The following FBXL3 variants were observed in gnomAD, a reference collection of about 807,000 sequenced individuals.
FBXL3 encodes F-box/LRR-repeat protein 3.
FBXL3 carries 14 observed loss-of-function variants against 37.9 expected under a neutral mutation model. That is an observed-to-expected ratio of 0.37 (90% CI 0.24 to 0.58). The LOEUF (loss-of-function observed/expected upper bound fraction) is 0.58, where lower values mean the gene tolerates loss of function less well. Ranked by LOEUF, FBXL3 falls within the 20% of genes least tolerant of loss-of-function variation. The pLI is 0.74. For synonymous variants in FBXL3, 194 were observed against 180.1 expected, an observed-to-expected ratio of 1.08 and a Z score of -0.62; for missense variants, 327 against 511.1, an observed-to-expected ratio of 0.64 and a Z score of 3.47.
rs1027434332 is a variant in FBXL3 at position 77,005,562 on chromosome 13, T to C, written c.*1583A>G. On this transcript the variant is annotated 3_prime_UTR_variant, in exon 5 of 5. Coordinates refer to ENST00000355619, the MANE Select transcript of FBXL3 (RefSeq NM_012158.4). The stretch of plus-strand genomic sequence containing the variant: ...GAAGGAGGGGATATATTACTATAAT[T>C]GCTGTTAATTTTCGAATCTAGATAA... The C allele has an allele frequency of 2.0e-5, 3 of 152,456 alleles. No homozygotes were observed. The highest frequency in any genetic ancestry group is 7.2e-5 in the African/African-American group (3 of 41,432). 9.4% of individuals were successfully genotyped at this position (152,456 alleles called of 1,614,324 possible).
chr13:77,015,764 C>T, intron 3 of FBXL3, 184 bp from the exon 4 acceptor site: 1 of 374,792 alleles, frequency 2.7e-6, no homozygotes, highest in Non-Finnish European at 4.7e-6. Flanking sequence ...TATCTGTCAT[C>T]TTTGAGAAGA....
Position 77,027,156 on chromosome 13 carries a change from G to A in FBXL3, c.-331C>T, listed in dbSNP as rs1819688654. 1 of 145,550 alleles carries A rather than the reference G, an allele frequency of 6.9e-6. No homozygotes were observed. 9.0% of individuals were successfully genotyped at this position (145,550 alleles called of 1,614,324 possible). On this transcript the variant is annotated 5_prime_UTR_variant, in exon 1 of 5. Coordinates refer to ENST00000355619, the MANE Select transcript of FBXL3 (RefSeq NM_012158.4). Reference sequence around the variant, plus strand: ...CCTGCACCTGGGCCACAAACAGCGAGTCTAAAATGGCGCCCAGGGCTCGCG... The same window carrying A: ...CCTGCACCTGGGCCACAAACAGCGAATCTAAAATGGCGCCCAGGGCTCGCG...
intron 2 of FBXL3, among the ~76,000 whole-genome samples, chr13:77,021,188 A>G (rs1383889551): frequency 1.3e-5 from 2 of 152,290 alleles, no homozygotes; most frequent in Admixed American, 1.3e-4. Context: ...CTCAATTATA[A>G]TCTCCCAATT....
At chr13:77,015,092 A>G (rs1416266635) in intron 4 of FBXL3, 3 of 170,852 alleles carry the variant, frequency 1.8e-5, no homozygotes, top group Non-Finnish European at 3.7e-5. Context: ...CTCAACTACA[A>G]TGAGAAAAAA....
intron 3 of FBXL3, chr13:77,017,182 C>A (rs976728165): frequency 6.6e-6 from 1 of 152,134 alleles, no homozygotes; most frequent in African/African-American, 2.4e-5. Context: ...TATTAAGTAT[C>A]CTAGCCTCAC....
chr13:77,021,158 G>A (rs2034735830), intron 2 of FBXL3, among the ~76,000 whole-genome samples: 1 of 152,162 alleles, frequency 6.6e-6, no homozygotes, highest in Admixed American at 6.5e-5. Context: ...CTGTTAGATA[G>A]AAATAGCAAT....
chr13:77,011,065 T>A (rs2034542254), intron 4 of FBXL3: 1 of 152,210 alleles, frequency 6.6e-6, no homozygotes, highest in Non-Finnish European at 1.5e-5. Flanking sequence ...AGGGGCTGGG[T>A]GCAGTGGCTT....
At chr13:77,019,454 T>C (rs371928929) in intron 2 of FBXL3, among the ~76,000 whole-genome samples, 2 of 152,214 alleles carry the variant, frequency 1.3e-5, no homozygotes, top group African/African-American at 4.8e-5. Context: ...TCCAGATTCA[T>C]ATACACTACT....
chr13:77,026,773 C>G (rs1324646342), intron 1 of FBXL3, 54 bp downstream of exon 1: 1 of 146,358 alleles, frequency 6.8e-6, no homozygotes, highest in Non-Finnish European at 1.5e-5. Context: ...GGTCCGCGGT[C>G]CCTCCCCGGC....
Position 77,006,815 on chromosome 13 carries a change from AAAACCT to A in FBXL3, c.*324_*329del. 9.5e-7 allele frequency: 1 copy of A among 1,052,166 alleles called. No individual in the cohort carries two copies. Among genetic ancestry groups the A allele is most frequent in the Non-Finnish European group, 1.1e-6 (1 of 869,818 alleles). 65.2% of individuals were successfully genotyped at this position (1,052,166 alleles called of 1,614,324 possible). A position where few individuals can be genotyped will look rare whatever the true frequency, so the allele number is the denominator to read the frequency against. On this transcript the variant is annotated 3_prime_UTR_variant, in exon 5 of 5. Transcript: ENST00000355619. ...ATGCATAGAGAATATAACATTTCAG[AAAACCT>A]ATTAGTACTTCTTGGATATTATAAC...
chr13:77,026,140 G>A, intron 1 of FBXL3: 1 of 981,220 alleles, frequency 1.0e-6, no homozygotes. Context: ...GATATCATTA[G>A]CAACGACAAA....
intron 4 of FBXL3, chr13:77,014,689 T>G (rs900062386): frequency 6.6e-6 from 1 of 152,178 alleles, no homozygotes; most frequent in African/African-American, 2.4e-5. Context: ...AAAGAACAGG[T>G]TTCCCAAATA....
At chr13:77,024,730 T>C (rs946625338) in intron 1 of FBXL3, among the ~76,000 whole-genome samples, 19 of 152,230 alleles carry the variant, frequency 1.2e-4, no homozygotes, top group African/African-American at 4.6e-4. Context: ...TCTCTTGATC[T>C]AGATATAAAA....
At chr13:77,016,748 C>T (rs1223778198) in intron 3 of FBXL3, 1 of 152,212 alleles carries the variant, frequency 6.6e-6, no homozygotes, top group East Asian at 1.9e-4. Flanking sequence ...CCAGGCTGAT[C>T]TTGAACTCCT....
intron 4 of FBXL3, chr13:77,010,305 TGAAA>T (rs1593923865): frequency 6.6e-6 from 1 of 152,006 alleles, no homozygotes; most frequent in Non-Finnish European, 1.5e-5. Flanking sequence ...ACCATTCAAA[TGAAA>T]GAAACTGTGG....
chr13:77,020,336 A>T (rs1477920096), intron 2 of FBXL3, among the ~76,000 whole-genome samples: 1 of 152,244 alleles, frequency 6.6e-6, no homozygotes, highest in Non-Finnish European at 1.5e-5. Context: ...CCTGGCAATC[A>T]GTGGCCTAAG....
At position 77,006,470 on chromosome 13, in the gene FBXL3, TAA is replaced by T. The variant is rs930519940; in HGVS notation, c.*673_*674del. 2 of 152,222 alleles carry T rather than the reference TAA, an allele frequency of 1.3e-5. No homozygotes were observed. The highest frequency in any genetic ancestry group is 2.9e-5 in the Non-Finnish European group (2 of 68,044). The allele number at this position is 152,222 out of a possible 1,614,324, so 9.4% of individuals were successfully genotyped here. On this transcript the variant is annotated 3_prime_UTR_variant, in exon 5 of 5. Transcript: ENST00000355619. ...GGTTTAGCAGATTACAGAGCAAACC[TAA>T]AAGTTTATACAAAGCTAAACACTGC... is the stretch of plus-strand genomic sequence containing the variant.
intron 2 of FBXL3, 80 bp downstream of exon 2, chr13:77,021,433 G>T: frequency 9.5e-7 from 1 of 1,054,502 alleles, no homozygotes; most frequent in South Asian, 1.7e-5. Context: ...ATATTTTAAA[G>T]GCATGAGAAG....
intron 2 of FBXL3, chr13:77,019,200 G>C (rs753269513): frequency 6.6e-6 from 1 of 152,196 alleles, no homozygotes; most frequent in African/African-American, 2.4e-5. Context: ...CACAACCTGG[G>C]ATTCATCATT....
Sources: allele counts gnomAD v4.1 joint callset (sites outside exome capture counted in the v4.1 genomes callset), GRCh38; gene constraint gnomAD v4.1.1; transcripts MANE v1.5; gene names NCBI Gene and HGNC (gene_info 2026-07-23, HGNC 2026-07-21).